COL25A1: variants seen among roughly 807,000 people sequenced by gnomAD.
COL25A1 encodes collagen alpha-1(XXV) chain.
Under a neutral mutation model 128.4 loss-of-function variants are expected in COL25A1, and 103 were observed. The ratio of observed to expected loss-of-function variants is 0.80; its 90% confidence interval spans 0.68 to 0.94. COL25A1 has a LOEUF of 0.94. COL25A1 is among the 40% of genes least tolerant of loss of function. The pLI is 0.00. For synonymous variants in COL25A1, 279 were observed against 277.2 expected (o/e 1.01, Z -0.06); for missense variants, 745 against 840.0 (o/e 0.89, Z 1.40).
intron 3 of COL25A1, among the ~76,000 whole-genome samples, chr4:109,090,743 G>C (rs774636246): frequency 3.9e-5 from 6 of 152,132 alleles, no homozygotes; most frequent in Non-Finnish European, 7.4e-5. Context: ...TTTATTTTCT[G>C]AATTAACATC....
chr4:108,861,280 G>A (rs903796692), intron 22 of COL25A1, among the ~76,000 whole-genome samples: 3 of 152,180 alleles, frequency 2.0e-5, no homozygotes, highest in African/African-American at 7.2e-5. Context: ...CCCAAAGTAA[G>A]CTTTTACCTT....
chr4:108,989,585 G>A (rs1437436636), intron 6 of COL25A1, among the ~76,000 whole-genome samples: 1 of 152,064 alleles, frequency 6.6e-6, no homozygotes, highest in African/African-American at 2.4e-5. Context: ...TGATTTAAGA[G>A]TTCCAATAAT....
intron 6 of COL25A1, among the ~76,000 whole-genome samples, chr4:108,982,312 T>C (rs1753066973): frequency 1.3e-5 from 2 of 152,106 alleles, no homozygotes; most frequent in Admixed American, 1.3e-4. Flanking sequence ...AATAGGAAGG[T>C]CTAATATAGT....
chr4:108,863,425 C>T, intron 20 of COL25A1, 38 bp from the exon 21 acceptor site: 7 of 1,558,724 alleles, frequency 4.5e-6, no homozygotes, highest in Non-Finnish European at 6.1e-6. Context: ...GGTCATTCCC[C>T]CCACCCAGGC....
intron 3 of COL25A1, among the ~76,000 whole-genome samples, chr4:109,214,225 A>T (rs563037967): frequency 9.2e-5 from 14 of 152,258 alleles, no homozygotes; most frequent in Non-Finnish European, 1.8e-4. Context: ...AAACAAATTA[A>T]AAAAAAGTAA....
chr4:108,995,248 A>G (rs192342901), intron 6 of COL25A1, among the ~76,000 whole-genome samples: 39 of 152,342 alleles, frequency 2.6e-4, no homozygotes, highest in Middle Eastern at 3.4e-3. Flanking sequence ...GGCTAACTAG[A>G]ATAACCAGTG....
chr4:108,889,542 C>T (rs1741241463), intron 17 of COL25A1, among the ~76,000 whole-genome samples, 159 bp downstream of exon 17: 1 of 151,878 alleles, frequency 6.6e-6, no homozygotes, highest in Admixed American at 6.6e-5. Context: ...ATCACATTTC[C>T]CACAGATATT....
At chr4:109,053,758 G>A (rs1253527155) in intron 3 of COL25A1, among the ~76,000 whole-genome samples, 1 of 152,112 alleles carries the variant, frequency 6.6e-6, no homozygotes, top group African/African-American at 2.4e-5. Flanking sequence ...ATAAACGTTT[G>A]CAATAAACAC....
rs118105022 is a variant in COL25A1, at chr4:109,099,068, G to A, written c.368-48889C>T. ...GGCACACAGCAAATACACAATGAAG[G>A]TTAGCTCTACTATTATTTTACACTA... On this transcript the variant is annotated intron_variant, in intron 3 of 37. Transcript: ENST00000399132. 1.1e-4 allele frequency among the ~76,000 whole-genome samples: 17 copies of A among 152,270 alleles called. No homozygotes were observed. The East Asian group carries it at 3.3e-3, about 29-fold the overall frequency.
In COL25A1 at chr4:108,809,744, T is replaced by A. The variant is rs529202402; in HGVS notation, c.*4183A>T. The A allele has an allele frequency of 6.6e-6, 1 of 152,170 alleles. No homozygotes were observed. The highest frequency in any genetic ancestry group is 6.5e-5 in the Admixed American group (1 of 15,284). The allele number at this position is 152,170 out of a possible 1,614,324, so 9.4% of individuals were successfully genotyped here. A position where few individuals can be genotyped will look rare whatever the true frequency, so the allele number is the denominator to read the frequency against. The stretch of plus-strand genomic sequence containing the variant: ...AACAAATCTAGCCAATATAAAGATA[T>A]CCCAAGAAAAATGGGAAGAAGTAGG... On this transcript the variant is annotated 3_prime_UTR_variant, in exon 38 of 38. Transcript: ENST00000399132.
chr4:108,955,209 C>G (rs1450457569), intron 8 of COL25A1, among the ~76,000 whole-genome samples: 1 of 151,342 alleles, frequency 6.6e-6, no homozygotes, highest in East Asian at 1.9e-4. Context: ...AAGTAAGACA[C>G]ATTAAAGAGA....
At chr4:108,845,335 G>A in intron 28 of COL25A1, 84 bp from the exon 29 acceptor site, 2 of 1,029,612 alleles carry the variant, frequency 1.9e-6, no homozygotes, top group South Asian at 1.3e-5. Flanking sequence ...CAAACCCATT[G>A]TTCTCTTGAC....
chr4:109,065,541 C>CGT lies in COL25A1; in HGVS notation c.368-15363_368-15362insAC, dbSNP rs1368660730. Among the ~76,000 whole-genome samples, 89 of 133,558 alleles carry CGT rather than the reference C, an allele frequency of 6.7e-4. 1 individual carries two copies. Among genetic ancestry groups the CGT allele is most frequent in the African/African-American group, 2.4e-3 (84 of 35,278 alleles). 87.6% of individuals were successfully genotyped at this position (133,558 alleles called of 152,430 possible). ...ACCTTTTTGGTGCAGCACGCGCGCG[C>CGT]GCGCGTGTGTGTGTGTGTGTGTGTG... On this transcript the variant is annotated intron_variant, in intron 3 of 37. Coordinates refer to ENST00000399132, the MANE Select transcript of COL25A1 (RefSeq NM_198721.4).
At chr4:109,042,946 A>T (rs748626743) in intron 5 of COL25A1, among the ~76,000 whole-genome samples, 14 of 152,114 alleles carry the variant, frequency 9.2e-5, no homozygotes, top group Non-Finnish European at 5.9e-5. Flanking sequence ...GATAAGACAC[A>T]ACAAAGATGT....
Position 108,845,192 on chromosome 4 carries a change from A to T in COL25A1, c.1575T>A (p.Pro525=). The T allele has an allele frequency of 6.2e-7, 1 of 1,613,486 alleles. No homozygotes were observed. Among genetic ancestry groups the T allele is most frequent in the Non-Finnish European group, 8.5e-7 (1 of 1,179,372 alleles). Residue 525 remains proline (P), a synonymous_variant, in exon 29 of 38, where the codon CCT becomes CCA. Coordinates refer to ENST00000399132, the MANE Select transcript of COL25A1 (RefSeq NM_198721.4). ...GDSGMPGPQG[P]SIIGPPGPPG... Reference sequence around the variant, plus strand: ...AGTTCAGCCACCATGGACTTACAGAAGGACCCTGTGGACCCGGCATTCCAG... The same window carrying T: ...AGTTCAGCCACCATGGACTTACAGATGGACCCTGTGGACCCGGCATTCCAG...
At chr4:109,196,375 A>G (rs1213007256) in intron 3 of COL25A1, among the ~76,000 whole-genome samples, 2 of 152,200 alleles carry the variant, frequency 1.3e-5, no homozygotes, top group African/African-American at 4.8e-5. Context: ...AAAATATCGT[A>G]TGCATTATAA....
At chr4:109,008,493 T>G (rs1310662399) in intron 6 of COL25A1, among the ~76,000 whole-genome samples, 1 of 152,182 alleles carries the variant, frequency 6.6e-6, no homozygotes, top group African/African-American at 2.4e-5. Flanking sequence ...TCTTAAGAAA[T>G]GCTTTGGGAT....
intron 3 of COL25A1, among the ~76,000 whole-genome samples, chr4:109,164,466 T>G (rs1184594133): frequency 6.6e-6 from 1 of 152,148 alleles, no homozygotes. Flanking sequence ...ATACATGTGT[T>G]TGTTTGTTGG....
intron 13 of COL25A1, among the ~76,000 whole-genome samples, chr4:108,904,199 C>G (rs1171676194): frequency 6.6e-6 from 1 of 152,088 alleles, no homozygotes; most frequent in Non-Finnish European, 1.5e-5. Context: ...TGAAAATTTA[C>G]TATACGTTCT....
Sources: gnomAD v4.1 joint callset for allele counts (sites outside exome capture counted in the v4.1 genomes callset) on GRCh38, gnomAD v4.1.1 for gene constraint, MANE v1.5 for transcripts, NCBI Gene and HGNC (gene_info 2026-07-23, HGNC 2026-07-21) for gene names.